The following NKAIN2 variants were observed in gnomAD, a reference collection of about 807,000 sequenced individuals.
NKAIN2 encodes sodium/potassium-transporting ATPase subunit beta-1-interacting protein 2.
NKAIN2 carries 14 observed loss-of-function variants against 32.6 expected under a neutral mutation model. The observed-to-expected ratio is 0.43, with a 90% CI of 0.28 to 0.67. The LOEUF (loss-of-function observed/expected upper bound fraction) is 0.67, where lower values mean the gene tolerates loss of function less well. NKAIN2 is among the 30% of genes least tolerant of loss of function. NKAIN2 has a pLI of 0.17. For missense variants in NKAIN2, 198 were observed against 258.3 expected (o/e 0.77, Z 1.60); for synonymous variants, 80 against 87.2 (o/e 0.92, Z 0.46).
chr6:123,883,600 T>C (rs1027624912), intron 1 of NKAIN2, among the ~76,000 whole-genome samples: 2 of 151,750 alleles, frequency 1.3e-5, no homozygotes, highest in Non-Finnish European at 2.9e-5. Flanking sequence ...GTCATGCTCC[T>C]TGTAAGCCTT....
At chr6:124,526,722 C>T (rs1176296807) in intron 3 of NKAIN2, among the ~76,000 whole-genome samples, 5 of 152,140 alleles carry the variant, frequency 3.3e-5, no homozygotes, top group Admixed American at 2.6e-4. Context: ...TTTTATTGAG[C>T]ACCATCTTGT....
chr6:124,016,274 A>G (rs1441811754), intron 1 of NKAIN2, among the ~76,000 whole-genome samples: 2 of 152,172 alleles, frequency 1.3e-5, no homozygotes, highest in Non-Finnish European at 2.9e-5. Context: ...TCTCGAAGAA[A>G]TTTGGTAAAG....
Position 124,279,464 on chromosome 6 carries a change from A to G in NKAIN2, c.55-3541A>G, listed in dbSNP as rs189500819. On this transcript the variant is annotated intron_variant, in intron 1 of 6. Transcript: ENST00000368417. ...AGAGCTTGCAGTGAGCCGAGATCAC[A>G]CCACTGCACTCCATCCAGCCTGGAC... Among the ~76,000 whole-genome samples the G allele has an allele frequency of 6.1e-3, 912 of 148,352 alleles. 7 individuals carry two copies. Among genetic ancestry groups the G allele is most frequent in the African/African-American group, 0.021 (861 of 40,138 alleles).
chr6:124,417,958 G>T (rs544030242), intron 3 of NKAIN2, among the ~76,000 whole-genome samples: 2 of 152,290 alleles, frequency 1.3e-5, no homozygotes, highest in African/African-American at 4.8e-5. Flanking sequence ...GATAGACAGG[G>T]TTGAAATTCT....
At chr6:124,415,791 G>A (rs1420708042) in intron 3 of NKAIN2, among the ~76,000 whole-genome samples, 1 of 151,452 alleles carries the variant, frequency 6.6e-6, no homozygotes, top group African/African-American at 2.4e-5. Flanking sequence ...GCCTGGAAAT[G>A]GGGTCAAACC....
intron 3 of NKAIN2, among the ~76,000 whole-genome samples, chr6:124,559,817 C>T (rs977297609): frequency 2.2e-5 from 3 of 134,760 alleles, no homozygotes; most frequent in Non-Finnish European, 3.1e-5. Context: ...ATGTGGAAGG[C>T]GAGTAAGAAA....
rs144814812 is a variant in NKAIN2, at chr6:124,090,324, T to C, written c.55-192681T>C. On this transcript the variant is annotated intron_variant, in intron 1 of 6. Transcript: ENST00000368417. ...GAAGTCAGATTATCTCCAATATGAA[T>C]GAAAACTGCTAAAGAATATTAAATT... Among the ~76,000 whole-genome samples, 24 of 152,178 alleles carry C rather than the reference T, an allele frequency of 1.6e-4. No individual in the cohort carries two copies. The East Asian group carries it at 4.6e-3, about 29-fold the overall frequency.
chr6:124,544,253 C>T (rs1425594131), intron 3 of NKAIN2, among the ~76,000 whole-genome samples: 2 of 151,914 alleles, frequency 1.3e-5, no homozygotes, highest in Non-Finnish European at 2.9e-5. Context: ...AGGAGCCAAC[C>T]AGGGACATTA....
intron 1 of NKAIN2, among the ~76,000 whole-genome samples, chr6:123,845,783 T>G (rs938177021): frequency 6.6e-6 from 1 of 152,326 alleles, no homozygotes; most frequent in South Asian, 2.1e-4. Flanking sequence ...GTATACCTTA[T>G]ATTTCTGATA....
chr6:124,451,852 T>C (rs1289549973), intron 3 of NKAIN2, among the ~76,000 whole-genome samples: 1 of 152,028 alleles, frequency 6.6e-6, no homozygotes, highest in Non-Finnish European at 1.5e-5. Context: ...AATTTTCCTC[T>C]GTTGTGGATG....
chr6:124,377,304 A>G (rs1800035136), intron 3 of NKAIN2, among the ~76,000 whole-genome samples: 1 of 152,062 alleles, frequency 6.6e-6, no homozygotes, highest in South Asian at 2.1e-4. Flanking sequence ...CTTTTTGAGA[A>G]TCAATTACAT....
chr6:123,848,754 C>T (rs1207117312), intron 1 of NKAIN2, among the ~76,000 whole-genome samples: 1 of 152,140 alleles, frequency 6.6e-6, no homozygotes, highest in African/African-American at 2.4e-5. Context: ...TTTCAGAGTG[C>T]ACCCGTACTT....
chr6:123,973,310 T>G (rs896658291), intron 1 of NKAIN2, among the ~76,000 whole-genome samples: 8 of 152,210 alleles, frequency 5.3e-5, no homozygotes, highest in African/African-American at 1.9e-4. Flanking sequence ...AAGAAAACAT[T>G]CCTAAAAGAA....
intron 3 of NKAIN2, among the ~76,000 whole-genome samples, chr6:124,370,232 C>G (rs771497900): frequency 2.0e-5 from 3 of 151,408 alleles, no homozygotes; most frequent in Admixed American, 6.6e-5. Flanking sequence ...ATTTAGCTCT[C>G]TTTCTTGATT....
At chr6:124,644,167 A>G (rs1418933233) in intron 3 of NKAIN2, among the ~76,000 whole-genome samples, 2 of 152,202 alleles carry the variant, frequency 1.3e-5, no homozygotes, top group African/African-American at 4.8e-5. Context: ...AAGAAATGAC[A>G]TGACTAAAAA....
chr6:124,403,623 A>T lies in NKAIN2; in HGVS notation c.273+48276A>T, dbSNP rs114516428. On this transcript the variant is annotated intron_variant, in intron 3 of 6. Transcript: ENST00000368417. Reference sequence around the variant, plus strand: ...TAATGGGCATCCACTATGTGCTAAGAATTTTGCTAGACACTAGTAAAATTA... The same window carrying T: ...TAATGGGCATCCACTATGTGCTAAGTATTTTGCTAGACACTAGTAAAATTA... Among the ~76,000 whole-genome samples the T allele has an allele frequency of 6.6e-3, 1,009 of 152,352 alleles. 7 individuals are homozygous for T. The highest frequency in any genetic ancestry group is 0.023 in the African/African-American group (977 of 41,580).
chr6:124,794,105 A>T (rs556781701), intron 5 of NKAIN2, among the ~76,000 whole-genome samples: 9 of 152,300 alleles, frequency 5.9e-5, no homozygotes, highest in African/African-American at 2.2e-4. Context: ...ATAGGTTTAG[A>T]GCTATCTAAA....
At chr6:124,816,767 A>G (rs927900739) in intron 5 of NKAIN2, among the ~76,000 whole-genome samples, 1 of 152,154 alleles carries the variant, frequency 6.6e-6, no homozygotes, top group African/African-American at 2.4e-5. Context: ...GAAAGAAGTA[A>G]TGGGTGTCCT....
intron 1 of NKAIN2, among the ~76,000 whole-genome samples, chr6:124,151,466 A>G (rs977893216): frequency 1.3e-5 from 2 of 152,050 alleles, no homozygotes; most frequent in Admixed American, 6.6e-5. Context: ...TGTATGATAA[A>G]TAACACTGCT....
Sources: gnomAD v4.1 joint callset for allele counts (sites outside exome capture counted in the v4.1 genomes callset) on GRCh38, gnomAD v4.1.1 for gene constraint, MANE v1.5 for transcripts, NCBI Gene and HGNC (gene_info 2026-07-23, HGNC 2026-07-21) for gene names.